The following FSHR variants were observed in gnomAD, a reference collection of about 807,000 sequenced individuals.
FSHR encodes the protein follicle stimulating hormone receptor.
Under a neutral mutation model 52.1 loss-of-function variants are expected in FSHR, and 46 were observed. The observed-to-expected ratio is 0.88, with a 90% CI of 0.70 to 1.13. The LOEUF (loss-of-function observed/expected upper bound fraction) is 1.13. Among genes scored for constraint, FSHR ranks in the 50% most tolerant of loss-of-function variants. FSHR has a pLI of 0.00. For missense variants in FSHR, 964 were observed against 834.6 expected (o/e 1.16, Z -1.91); for synonymous variants, 399 against 309.6 (o/e 1.29, Z -3.03).
chr2:49,098,863 ATATATACT>A (rs1158508651), intron 1 of FSHR, among the ~76,000 whole-genome samples: 1 of 146,604 alleles, frequency 6.8e-6, no homozygotes, highest in African/African-American at 2.5e-5. Flanking sequence ...TTTATATATA[ATATATACT>A]TATATTATCC....
chr2:49,138,228 T>G (rs193060738), intron 1 of FSHR, among the ~76,000 whole-genome samples: 2 of 152,238 alleles, frequency 1.3e-5, no homozygotes, highest in Non-Finnish European at 2.9e-5. Flanking sequence ...GCAATTACAA[T>G]GATGTGAAAA....
chr2:48,965,494 A>T (rs1358131493), intron 9 of FSHR, among the ~76,000 whole-genome samples: 1 of 152,170 alleles, frequency 6.6e-6, no homozygotes, highest in Non-Finnish European at 1.5e-5. Context: ...CAAGCTCCAT[A>T]ATGGGTATAG....
chr2:49,020,022 T>G, intron 3 of FSHR, 64 bp downstream of exon 3: 1 of 1,361,750 alleles, frequency 7.3e-7, no homozygotes, highest in Non-Finnish European at 1.1e-6. Flanking sequence ...CCCAGGAATG[T>G]AGAAGAACTT....
intron 1 of FSHR, among the ~76,000 whole-genome samples, chr2:49,095,023 A>G (rs1219931381): frequency 6.6e-6 from 1 of 152,156 alleles, no homozygotes; most frequent in Non-Finnish European, 1.5e-5. Context: ...GTATGCCAAC[A>G]AACTAGATAA....
chr2:48,999,211 C>A (rs1010862330), intron 4 of FSHR, among the ~76,000 whole-genome samples: 5 of 151,982 alleles, frequency 3.3e-5, no homozygotes, highest in African/African-American at 1.2e-4. Context: ...ATTTATTGAA[C>A]ACTTCCTATG....
chr2:48,968,023 A>G (rs1175285707), intron 9 of FSHR, among the ~76,000 whole-genome samples: 3 of 152,180 alleles, frequency 2.0e-5, no homozygotes, highest in Non-Finnish European at 2.9e-5. Flanking sequence ...CATGTGTACA[A>G]TCTCCAAGGC....
intron 2 of FSHR, 126 bp from the exon 3 acceptor site, chr2:49,020,286 A>G: frequency 1.2e-6 from 1 of 822,576 alleles, no homozygotes; most frequent in Non-Finnish European, 2.1e-6. Context: ...TCCTGCCATT[A>G]AAGAAGTCAG....
chr2:49,090,997 T>C (rs1409606235), intron 1 of FSHR, among the ~76,000 whole-genome samples: 2 of 152,078 alleles, frequency 1.3e-5, no homozygotes, highest in African/African-American at 4.8e-5. Context: ...GAATTCTCTA[T>C]ATATACTAGA....
chr2:49,044,364 C>G (rs1286849481), intron 2 of FSHR, among the ~76,000 whole-genome samples: 1 of 152,170 alleles, frequency 6.6e-6, no homozygotes, highest in Non-Finnish European at 1.5e-5. Context: ...CTTTTATACA[C>G]CACACTTAAA....
intron 2 of FSHR, among the ~76,000 whole-genome samples, chr2:49,021,886 T>TATATATATATATATATATATAGAGAGAG (rs1273265515): frequency 4.0e-5 from 1 of 25,118 alleles, no homozygotes; most frequent in Non-Finnish European, 7.3e-5. Context: ...TATATATATA[T>TATATATATATATATATATATAGAGAGAG]AGAGAGAGAG....
intron 8 of FSHR, among the ~76,000 whole-genome samples, chr2:48,978,401 C>A (rs1172937611): frequency 1.3e-5 from 2 of 152,210 alleles, no homozygotes; most frequent in Non-Finnish European, 2.9e-5. Flanking sequence ...AATTTACTAT[C>A]TATAGGACTG....
At chr2:49,146,338 C>G (rs763149864) in intron 1 of FSHR, among the ~76,000 whole-genome samples, 1 of 151,922 alleles carries the variant, frequency 6.6e-6, no homozygotes, top group Non-Finnish European at 1.5e-5. Flanking sequence ...AGGATGTGGC[C>G]CTTTCATATA....
chr2:48,978,410 T>G (rs1478248525), intron 8 of FSHR, among the ~76,000 whole-genome samples: 1 of 152,268 alleles, frequency 6.6e-6, no homozygotes, highest in Admixed American at 6.5e-5. Flanking sequence ...TCTATAGGAC[T>G]GTGGGTACAC....
At chr2:49,021,884 TATAGAGAGAGAGAGAGAGAGAGAG>T (rs1187992633) in intron 2 of FSHR, among the ~76,000 whole-genome samples, 9 of 36,568 alleles carry the variant, frequency 2.5e-4, no homozygotes, top group African/African-American at 8.8e-4. Context: ...TATATATATA[TATAGAGAGAGAGAGAGAGAGAGAG>T]AGAGAGAGAG....
chr2:49,091,519 A>T (rs1319941070), intron 1 of FSHR, among the ~76,000 whole-genome samples: 2 of 151,902 alleles, frequency 1.3e-5, no homozygotes, highest in Admixed American at 6.6e-5. Flanking sequence ...CTGGTCTTCA[A>T]CTCCTGACCT....
At chr2:49,056,993 T>C (rs114166769) in intron 2 of FSHR, among the ~76,000 whole-genome samples, 181 of 151,990 alleles carry the variant, frequency 1.2e-3, no homozygotes, top group African/African-American at 4.1e-3. Flanking sequence ...CCAAAACCTA[T>C]GGGATGAGCA....
At chr2:48,980,737 G>C (rs917825623) in intron 8 of FSHR, among the ~76,000 whole-genome samples, 1 of 152,188 alleles carries the variant, frequency 6.6e-6, no homozygotes, top group Non-Finnish European at 1.5e-5. Context: ...TGAGGCAGAA[G>C]ACCTAGTTTC....
chr2:49,087,742 G>T (rs1367808213), intron 1 of FSHR, among the ~76,000 whole-genome samples: 1 of 152,196 alleles, frequency 6.6e-6, no homozygotes, highest in East Asian at 1.9e-4. Flanking sequence ...GAAGGCGAAA[G>T]ATGTGGGAGA....
At chr2:49,079,516 T>G (rs1670086577) in intron 1 of FSHR, among the ~76,000 whole-genome samples, 1 of 152,042 alleles carries the variant, frequency 6.6e-6, no homozygotes, top group Non-Finnish European at 1.5e-5. Flanking sequence ...TTAGAGTGAT[T>G]AAAATATTAT....
Sources: gnomAD v4.1 joint callset for allele counts (sites outside exome capture counted in the v4.1 genomes callset) on GRCh38, gnomAD v4.1.1 for gene constraint, MANE v1.5 for transcripts, NCBI Gene and HGNC (gene_info 2026-07-23, HGNC 2026-07-21) for gene names.